The following MTMR2 variants were observed in gnomAD, a reference collection of about 807,000 sequenced individuals.
MTMR2 encodes myotubularin related protein 2.
In MTMR2, 55 loss-of-function variants were observed where a neutral mutation model predicts 86.9. That is an observed-to-expected ratio of 0.63 (90% CI 0.51 to 0.79). MTMR2 has a LOEUF of 0.79. Among genes scored for constraint, MTMR2 ranks in the 30% least tolerant of loss-of-function variants. MTMR2 has a pLI of 0.00. For synonymous variants in MTMR2, 241 were observed against 266.8 expected (o/e 0.90, Z 0.94); for missense variants, 659 against 772.3 (o/e 0.85, Z 1.74).
At chr11:95,845,308 T>C (rs529638322) in intron 10 of MTMR2, 149 bp from the exon 11 acceptor site, 4 of 743,080 alleles carry the variant, frequency 5.4e-6, no homozygotes, top group South Asian at 5.0e-5. Flanking sequence ...TTTTAAATGG[T>C]AGAAGATATA....
At chr11:95,857,311 CTAT>C (rs769646934) in intron 7 of MTMR2, among the ~76,000 whole-genome samples, 27 of 151,966 alleles carry the variant, frequency 1.8e-4, no homozygotes, top group Non-Finnish European at 3.2e-4. Flanking sequence ...AAAGAAAAGA[CTAT>C]TTTAGGTGGG....
chr11:95,881,354 A>G (rs956383555), intron 2 of MTMR2, among the ~76,000 whole-genome samples: 2 of 152,132 alleles, frequency 1.3e-5, no homozygotes, highest in Non-Finnish European at 2.9e-5. Context: ...TTACCCTTGC[A>G]TATAAATTTT....
Position 95,888,155 on chromosome 11 carries a change from C to T in MTMR2, c.186+1G>A, listed in dbSNP as rs1431613145. The T allele has an allele frequency of 6.3e-7, 1 of 1,581,844 alleles. No individual in the cohort carries two copies. Among genetic ancestry groups the T allele is most frequent in the Non-Finnish European group, 8.7e-7 (1 of 1,154,296 alleles). ...TCAGAACTTTAAAATAGTATACATA[C>T]CCTCAAATCAGGAGAAAAGTTGTCG... is the stretch of plus-strand genomic sequence containing the variant. On this transcript the variant is annotated splice_donor_variant, in intron 2 of 14. Coordinates refer to ENST00000346299, the MANE Select transcript of MTMR2 (RefSeq NM_016156.6). LOFTEE classifies it high-confidence loss of function.
chr11:95,838,234 A>G, intron 12 of MTMR2, 27 bp from the exon 13 acceptor site: 1 of 1,196,812 alleles, frequency 8.4e-7, no homozygotes, highest in Non-Finnish European at 1.2e-6. Context: ...ACAAACACAT[A>G]AATTAAGACA....
At chr11:95,874,911 T>C (rs1215873065) in intron 2 of MTMR2, among the ~76,000 whole-genome samples, 1 of 152,162 alleles carries the variant, frequency 6.6e-6, no homozygotes, top group African/African-American at 2.4e-5. Flanking sequence ...TTTAAGAATG[T>C]TGAATATTGG....
chr11:95,912,087 G>GTT (rs67486618), intron 1 of MTMR2, among the ~76,000 whole-genome samples: 48 of 141,712 alleles, frequency 3.4e-4, no homozygotes, highest in African/African-American at 7.0e-4. Context: ...ACACAGGTGG[G>GTT]TTTTTTTTTT....
At chr11:95,838,026 G>T in intron 13 of MTMR2, 68 bp downstream of exon 13, 1 of 990,790 alleles carries the variant, frequency 1.0e-6, no homozygotes, top group Non-Finnish European at 1.6e-6. Context: ...ATCTGTCACA[G>T]AGTACATTCT....
chr11:95,904,925 G>A (rs1256361217), intron 1 of MTMR2, among the ~76,000 whole-genome samples: 1 of 152,074 alleles, frequency 6.6e-6, no homozygotes, highest in Non-Finnish European at 1.5e-5. Context: ...ATCCACTTCA[G>A]TCAGGCCTTT....
At chr11:95,895,159 A>AG (rs1332829467) in intron 1 of MTMR2, among the ~76,000 whole-genome samples, 1 of 151,552 alleles carries the variant, frequency 6.6e-6, no homozygotes, top group Non-Finnish European at 1.5e-5. Flanking sequence ...AAGGGCCAGG[A>AG]GAAAAAAAAA....
At chr11:95,842,900 C>T (rs1418879294) in intron 11 of MTMR2, among the ~76,000 whole-genome samples, 1 of 152,168 alleles carries the variant, frequency 6.6e-6, no homozygotes, top group Non-Finnish European at 1.5e-5. Flanking sequence ...GTAAAAATTA[C>T]TGATTTTATT....
chr11:95,862,236 A>G, intron 4 of MTMR2, 36 bp downstream of exon 4: 5 of 1,558,962 alleles, frequency 3.2e-6, no homozygotes, highest in Non-Finnish European at 4.4e-6. Flanking sequence ...CAAACAACAC[A>G]CTCATGTACA....
chr11:95,922,463 T>C (rs1021800788), intron 1 of MTMR2, among the ~76,000 whole-genome samples: 4 of 151,600 alleles, frequency 2.6e-5, no homozygotes, highest in Non-Finnish European at 5.9e-5. Flanking sequence ...AAGCAATAAA[T>C]ACAGAATTCA....
At chr11:95,907,995 C>T (rs1326395918) in intron 1 of MTMR2, 1 of 249,578 alleles carries the variant, frequency 4.0e-6, no homozygotes, top group Non-Finnish European at 8.1e-6. Context: ...TAAGTCCTAG[C>T]AAGAGCAATC....
intron 2 of MTMR2, among the ~76,000 whole-genome samples, chr11:95,875,457 C>T (rs1333295622): frequency 1.3e-5 from 2 of 152,156 alleles, no homozygotes; most frequent in African/African-American, 4.8e-5. Context: ...CAGGTCCTTT[C>T]AGGACTTCAC....
chr11:95,847,922 G>T, intron 9 of MTMR2, 23 bp from the exon 10 acceptor site: 1 of 1,584,722 alleles, frequency 6.3e-7, no homozygotes, highest in Non-Finnish European at 8.6e-7. Context: ...ACACATCATG[G>T]AAAATCATAA....
intron 2 of MTMR2, among the ~76,000 whole-genome samples, chr11:95,876,205 CT>C (rs1731450041): frequency 1.3e-5 from 2 of 152,206 alleles, no homozygotes; most frequent in Admixed American, 1.3e-4. Flanking sequence ...GAGGTGGAGT[CT>C]TCAGAGGCAG....
intron 1 of MTMR2, among the ~76,000 whole-genome samples, chr11:95,888,540 T>C (rs1283089057): frequency 1.3e-5 from 2 of 152,162 alleles, no homozygotes; most frequent in Non-Finnish European, 2.9e-5. Context: ...CATCCATTCA[T>C]TCATCCAAAG....
chr11:95,914,131 A>T (rs777568825), intron 1 of MTMR2: 1 of 932,332 alleles, frequency 1.1e-6, no homozygotes, highest in Non-Finnish European at 1.3e-6. Flanking sequence ...GTTTGAAACT[A>T]CTTGTTACTC....
chr11:95,904,806 TTC>T (rs1289864410), intron 1 of MTMR2, among the ~76,000 whole-genome samples: 1 of 152,208 alleles, frequency 6.6e-6, no homozygotes, highest in Non-Finnish European at 1.5e-5. Context: ...TCACCCCGAA[TTC>T]TTTCTTGAGC....
Sources: allele counts gnomAD v4.1 joint callset (sites outside exome capture counted in the v4.1 genomes callset), GRCh38; gene constraint gnomAD v4.1.1; transcripts MANE v1.5; gene names NCBI Gene and HGNC (gene_info 2026-07-23, HGNC 2026-07-21).